Variants in ZNF341 observed in about 807,000 individuals in gnomAD.
The protein encoded by ZNF341 is zinc finger protein 341.
Under a neutral mutation model 87.7 loss-of-function variants are expected in ZNF341, and 52 were observed. The observed-to-expected ratio is 0.59, with a 90% CI of 0.47 to 0.75. The LOEUF is 0.75. ZNF341 is among the 30% of genes least tolerant of loss of function. The pLI is 0.00. For missense variants in ZNF341, 977 were observed against 1,145.9 expected, an observed-to-expected ratio of 0.85 and a Z score of 2.13; for synonymous variants, 459 against 472.7, an observed-to-expected ratio of 0.97 and a Z score of 0.38.
intron 10 of ZNF341, among the ~76,000 whole-genome samples, chr20:33,774,167 C>T (rs900176330): frequency 1.3e-5 from 2 of 150,586 alleles, no homozygotes; most frequent in Non-Finnish European, 2.9e-5. Context: ...TGGCACACTC[C>T]TGTAGTCCCA....
chr20:33,788,819 G>T, intron 12 of ZNF341, 44 bp from the exon 13 acceptor site: 2 of 1,568,830 alleles, frequency 1.3e-6, no homozygotes, highest in South Asian at 1.1e-5. Flanking sequence ...CCTGGATGCC[G>T]ACTCCTGGTG....
At chr20:33,753,136 CA>C in intron 4 of ZNF341, 35 bp from the exon 5 acceptor site, 2 of 1,611,314 alleles carry the variant, frequency 1.2e-6, no homozygotes, top group Non-Finnish European at 8.5e-7. Context: ...CAACTGGTAT[CA>C]AGAGGCTATA....
At chr20:33,758,282 G>T (rs1373597302) in intron 6 of ZNF341, among the ~76,000 whole-genome samples, 2 of 152,144 alleles carry the variant, frequency 1.3e-5, no homozygotes, top group African/African-American at 4.8e-5. Context: ...CAGCCTTGTG[G>T]GTATCTGTGG....
At chr20:33,786,161 G>A (rs1009811037) in intron 12 of ZNF341, among the ~76,000 whole-genome samples, 13 of 148,040 alleles carry the variant, frequency 8.8e-5, no homozygotes, top group African/African-American at 2.2e-4. Flanking sequence ...GCACCATCAC[G>A]CCCAGCTAAT....
chr20:33,748,915 C>G lies in ZNF341; in HGVS notation c.340-8C>G, dbSNP rs766716178. ...CGTCTCACTCATTCTCTCTCTCCCA[C>G]TGTCCAGATCTCCACATACATCACA... On this transcript the variant is annotated splice_polypyrimidine_tract_variant and splice_region_variant and intron_variant, in intron 3 of 14. Coordinates refer to ENST00000375200, the MANE Select transcript of ZNF341 (RefSeq NM_001282933.2). 5 of 1,608,326 alleles carry G rather than the reference C, an allele frequency of 3.1e-6. No individual in the cohort carries two copies. Among genetic ancestry groups the G allele is most frequent in the Non-Finnish European group, 4.3e-6 (5 of 1,175,630 alleles).
rs2018578972 is a variant in ZNF341 at position 33,732,148 on chromosome 20, C to T, written c.31+96C>T. 4 of 926,758 alleles carry T rather than the reference C, an allele frequency of 4.3e-6. No homozygotes were observed. Among genetic ancestry groups the T allele is most frequent in the Non-Finnish European group, 5.2e-6 (4 of 776,442 alleles). The allele number at this position is 926,758 out of a possible 1,614,324, so 57.4% of individuals were successfully genotyped here. On this transcript the variant is annotated intron_variant, in intron 1 of 14. Coordinates refer to ENST00000375200, the MANE Select transcript of ZNF341 (RefSeq NM_001282933.2). The surrounding 1 kb of genome is among the most constrained non-coding windows in gnomAD (Gnocchi z 4.5). ...CCCGGCCTAGGGCGCGCAGCGGCCG[C>T]GGGGCGGAGGGCGCCGGGGCTGGAA...
chr20:33,760,518 G>A (rs1030923814), intron 7 of ZNF341, among the ~76,000 whole-genome samples: 23 of 152,046 alleles, frequency 1.5e-4, no homozygotes, highest in African/African-American at 4.6e-4. Context: ...ACTGAATTTT[G>A]TATTTTATTT....
intron 5 of ZNF341, among the ~76,000 whole-genome samples, chr20:33,754,795 C>T (rs989668048): frequency 6.6e-6 from 1 of 152,192 alleles, no homozygotes; most frequent in Non-Finnish European, 1.5e-5. Flanking sequence ...AGATATCTTA[C>T]ATTGGACTGT....
In ZNF341 at chr20:33,753,340, G is replaced by T. The variant is rs1282078807; in HGVS notation, c.658G>T (p.Val220Leu). 4.3e-6 allele frequency: 7 copies of T among 1,610,084 alleles called. No individual in the cohort carries two copies. The East Asian group carries it at 1.6e-4, about 36-fold the overall frequency. Reference sequence around the variant, plus strand: ...CCCTGGTGGGAACGGTGTGGTGGAGGTGTACAGTGCTGCTGCGCCCCTGGC... The same window carrying T: ...CCCTGGTGGGAACGGTGTGGTGGAGTTGTACAGTGCTGCTGCGCCCCTGGC... ...PNPGGNGVVE[V>L]YSAAAPLAGS... Residue 220 changes from valine (V) to leucine (L), a missense_variant, in exon 5 of 15, where the codon GTG becomes TTG. Val to Leu is a conservative substitution (Grantham distance 32, BLOSUM62 1). Transcript: ENST00000375200.
At chr20:33,743,738 C>T (rs2018858921) in intron 2 of ZNF341, among the ~76,000 whole-genome samples, 2 of 152,236 alleles carry the variant, frequency 1.3e-5, no homozygotes. Context: ...GTGCTTGACA[C>T]AGTGAGCGCA....
At chr20:33,777,496 T>C (rs1052678745) in intron 10 of ZNF341, among the ~76,000 whole-genome samples, 2 of 151,644 alleles carry the variant, frequency 1.3e-5, no homozygotes, top group African/African-American at 4.8e-5. Context: ...TAGCTGGGTG[T>C]GGTGGCGGGC....
intron 8 of ZNF341, among the ~76,000 whole-genome samples, chr20:33,765,898 T>G (rs2019395404): frequency 6.6e-6 from 1 of 152,138 alleles, no homozygotes; most frequent in African/African-American, 2.4e-5. Flanking sequence ...GTTTGTTTGT[T>G]TGAAATGGAG....
chr20:33,734,022 C>T (rs1261289454), intron 1 of ZNF341, among the ~76,000 whole-genome samples: 1 of 152,120 alleles, frequency 6.6e-6, no homozygotes, highest in Non-Finnish European at 1.5e-5. Flanking sequence ...TGGACTTCCT[C>T]ATTGTTTGAA....
In ZNF341 at chr20:33,777,376, T is replaced by C. The variant is rs2019650069; in HGVS notation, c.1623-3915T>C. ...CAGGCCAGGTGCGGTGGCTCACACCTGTAATCCCAACACTTTGGGAGGCTG... is the reference window on the plus strand; with the variant it reads ...CAGGCCAGGTGCGGTGGCTCACACCCGTAATCCCAACACTTTGGGAGGCTG... On this transcript the variant is annotated intron_variant, in intron 10 of 14. Transcript: ENST00000375200. Among the ~76,000 whole-genome samples the C allele has an allele frequency of 4.1e-5, 6 of 145,702 alleles. No individual in the cohort carries two copies. In the South Asian group the frequency reaches 1.3e-3, roughly 32 times the overall value.
At chr20:33,753,603 A>G (rs1336180541) in intron 5 of ZNF341, among the ~76,000 whole-genome samples, 180 bp downstream of exon 5, 1 of 152,210 alleles carries the variant, frequency 6.6e-6, no homozygotes, top group Admixed American at 6.5e-5. Flanking sequence ...TAATCAAAGC[A>G]TCACACCCAC....
At chr20:33,762,091 C>G in intron 8 of ZNF341, 36 bp downstream of exon 8, 1 of 1,475,706 alleles carries the variant, frequency 6.8e-7, no homozygotes, top group Non-Finnish European at 9.1e-7. Context: ...CTTCCCACAC[C>G]TCTCTTCTGC....
chr20:33,743,036 T>C (rs1361256410), intron 2 of ZNF341, among the ~76,000 whole-genome samples: 2 of 151,602 alleles, frequency 1.3e-5, no homozygotes, highest in African/African-American at 4.8e-5. Context: ...TCTCTCTTTT[T>C]TTTTTTTTTT....
chr20:33,757,593 C>T (rs1313056794), intron 6 of ZNF341, among the ~76,000 whole-genome samples: 3 of 152,228 alleles, frequency 2.0e-5, no homozygotes, highest in Non-Finnish European at 4.4e-5. Context: ...CTTTCTGTTT[C>T]CACCACCTCC....
intron 11 of ZNF341, among the ~76,000 whole-genome samples, chr20:33,783,263 A>C (rs958893870): frequency 2.0e-5 from 3 of 152,194 alleles, no homozygotes; most frequent in Non-Finnish European, 4.4e-5. Context: ...CATTTGACCC[A>C]GGCTCTGTGC....
Sources: gnomAD v4.1 joint callset for allele counts (sites outside exome capture counted in the v4.1 genomes callset) on GRCh38, gnomAD v4.1.1 for gene constraint, Gnocchi (gnomAD v3.1) non-coding constraint, MANE v1.5 for transcripts, NCBI Gene and HGNC (gene_info 2026-07-23, HGNC 2026-07-21) for gene names.